The following STON1 variants were observed in gnomAD, a reference collection of about 807,000 sequenced individuals.
The protein encoded by STON1 is stonin 1.
STON1 carries 79 observed loss-of-function variants against 60.9 expected under a neutral mutation model. The observed-to-expected ratio is 1.30, with a 90% CI of 1.08 to 1.56. The LOEUF (loss-of-function observed/expected upper bound fraction) is 1.56. Among genes scored for constraint, STON1 ranks in the 40% most tolerant of loss-of-function variants. STON1 has a pLI of 0.00. For synonymous variants in STON1, 363 were observed against 306.9 expected, an observed-to-expected ratio of 1.18 and a Z score of -1.91; for missense variants, 1,166 against 858.9, an observed-to-expected ratio of 1.36 and a Z score of -4.47.
At chr2:48,535,423 T>C (rs1344195025) in intron 1 of STON1, among the ~76,000 whole-genome samples, 1 of 152,152 alleles carries the variant, frequency 6.6e-6, no homozygotes, top group East Asian at 1.9e-4. Context: ...TGTACTACCA[T>C]GTCCCCTCAC....
At position 48,531,430 on chromosome 2, in the gene STON1, G is replaced by A. The variant is rs941362295; in HGVS notation, c.-48+1214G>A. ...GGACTCCCCTGGACTCTGATTGGGTGGAAGAATTGTTTAGTTCATTTGTGT... is the reference window on the plus strand; with the variant it reads ...GGACTCCCCTGGACTCTGATTGGGTAGAAGAATTGTTTAGTTCATTTGTGT... On this transcript the variant is annotated intron_variant, in intron 1 of 3. Transcript: ENST00000404752. 2.0e-5 allele frequency: 3 copies of A among 152,190 alleles called. No homozygotes were observed. The South Asian group carries it at 6.2e-4, about 32-fold the overall frequency. 9.4% of individuals were successfully genotyped at this position (152,190 alleles called of 1,614,324 possible).
chr2:48,571,323 T>A (rs1488500150), intron 1 of STON1, among the ~76,000 whole-genome samples: 2 of 152,186 alleles, frequency 1.3e-5, no homozygotes, highest in African/African-American at 4.8e-5. Flanking sequence ...GGAAGGCAGC[T>A]GGGGACTTGG....
chr2:48,534,709 G>A (rs1671353914), intron 1 of STON1, among the ~76,000 whole-genome samples: 1 of 152,150 alleles, frequency 6.6e-6, no homozygotes, highest in Admixed American at 6.5e-5. Context: ...CCTGAGCCTA[G>A]GAGATGGAGG....
At chr2:48,580,303 A>T (rs1322411511) in intron 1 of STON1, among the ~76,000 whole-genome samples, 1 of 151,976 alleles carries the variant, frequency 6.6e-6, no homozygotes, top group African/African-American at 2.4e-5. Context: ...ATAGTTTTTG[A>T]CTTAAAGTTT....
intron 1 of STON1, among the ~76,000 whole-genome samples, chr2:48,545,727 C>T (rs1671838251): frequency 6.6e-6 from 1 of 152,212 alleles, no homozygotes; most frequent in Non-Finnish European, 1.5e-5. Flanking sequence ...TTGGACTTGA[C>T]TTCTCAGTCC....
chr2:48,564,492 C>CTTCT lies in STON1; in HGVS notation c.-47-16093_-47-16090dup, dbSNP rs1558604959. The stretch of plus-strand genomic sequence containing the variant: ...CTTCTTCTTCTTCTTTCTTCTTCTT[C>CTTCT]TTCTTCTTCTTCTTCTTCTTCTTCT... On this transcript the variant is annotated intron_variant, in intron 1 of 3. Coordinates refer to ENST00000404752, the MANE Select transcript of STON1 (RefSeq NM_006873.4). Among the ~76,000 whole-genome samples, 7 of 24,622 alleles carry CTTCT rather than the reference C, an allele frequency of 2.8e-4. 1 individual carries two copies. The highest frequency in any genetic ancestry group is 1.3e-3 in the African/African-American group (7 of 5,464). The allele number at this position is 24,622 out of a possible 152,430, so 16.2% of individuals were successfully genotyped here.
chr2:48,543,563 G>GCT (rs1671747022), intron 1 of STON1, among the ~76,000 whole-genome samples: 2 of 95,734 alleles, frequency 2.1e-5, no homozygotes, highest in Admixed American at 2.9e-4. Context: ...CTGGAGTCTT[G>GCT]CTCTATCACC....
chr2:48,585,868 G>C (rs1356326487), intron 2 of STON1, among the ~76,000 whole-genome samples: 1 of 152,208 alleles, frequency 6.6e-6, no homozygotes, highest in African/African-American at 2.4e-5. Flanking sequence ...AGATGGTCTC[G>C]AGGACTAGAA....
chr2:48,575,536 C>G (rs1673435062), intron 1 of STON1, among the ~76,000 whole-genome samples: 1 of 151,712 alleles, frequency 6.6e-6, no homozygotes, highest in African/African-American at 2.4e-5. Context: ...GCCTGTAATC[C>G]CAGCTACTCA....
At chr2:48,549,749 G>T (rs1399528209) in intron 1 of STON1, among the ~76,000 whole-genome samples, 2 of 147,922 alleles carry the variant, frequency 1.4e-5, no homozygotes, top group African/African-American at 2.5e-5. Flanking sequence ...GGGGACAGAG[G>T]TTGCAGCAAG....
chr2:48,580,815 C>T lies in STON1; in HGVS notation c.182C>T (p.Pro61Leu), dbSNP rs1308834233. Residue 61 changes from proline (P) to leucine (L), a missense_variant, in exon 2 of 4, where the codon CCT becomes CTT. By Grantham distance (98) the Pro-to-Leu change is moderately conservative. Transcript: ENST00000404752. ...GGATCTTCCTCCACCAGCAGCACTC[C>T]TCTCTCCTCCCCCATTGTAGATTTT... Reference protein sequence around the residue: ...PSGSSSTSSTPLSSPIVDFYF... With the variant: ...PSGSSSTSSTLLSSPIVDFYF... 3.2e-6 allele frequency: 5 copies of T among 1,549,608 alleles called. No homozygotes were observed. The highest frequency in any genetic ancestry group is 4.3e-6 in the Non-Finnish European group (5 of 1,150,532).
intron 1 of STON1, among the ~76,000 whole-genome samples, chr2:48,540,584 C>T (rs780646701): frequency 3.9e-5 from 6 of 152,196 alleles, no homozygotes; most frequent in African/African-American, 7.2e-5. Flanking sequence ...CCTACACATC[C>T]GCTTATCTGT....
In STON1 at chr2:48,582,014, C is replaced by T. The variant is rs750052271; in HGVS notation, c.1381C>T (p.Leu461Phe). Residue 461 changes from leucine to phenylalanine, a missense_variant, in exon 2 of 4, where the codon CTT (leucine) becomes TTT (phenylalanine). Transcript: ENST00000404752. ...NLECFLTLNDLELPKRDESYY... is the reference protein window; with the variant it reads ...NLECFLTLNDFELPKRDESYY... ...GGAATGCTTTTTAACCTTGAATGAC[C>T]TTGAGTTGCCGAAGCGAGATGAATC... 6.8e-6 allele frequency: 11 copies of T among 1,613,992 alleles called. No individual in the cohort carries two copies. The highest frequency in any genetic ancestry group is 1.1e-5 in the South Asian group (1 of 91,076).
In STON1 at chr2:48,581,045, A is replaced by G; in HGVS notation, c.412A>G (p.Ser138Gly). Residue 138 changes from serine (S) to glycine (G), a missense_variant, in exon 2 of 4, where the codon AGT becomes GGT. By Grantham distance (56) the Ser-to-Gly change is moderately conservative. Coordinates refer to ENST00000404752, the MANE Select transcript of STON1 (RefSeq NM_006873.4). ...ATGTTTATCCCATGCCTTGTTACCC[A>G]GTGACCACTCATGTACACATCCAAC... ...PTCLSHALLP[S>G]DHSCTHPTPK... 1 of 1,581,508 alleles carries G rather than the reference A, an allele frequency of 6.3e-7. No homozygotes were observed. Among genetic ancestry groups the G allele is most frequent in the Non-Finnish European group, 8.6e-7 (1 of 1,167,256 alleles).
At chr2:48,537,883 A>AT (rs1223622967) in intron 1 of STON1, among the ~76,000 whole-genome samples, 3 of 151,824 alleles carry the variant, frequency 2.0e-5, no homozygotes, top group East Asian at 1.9e-4. Flanking sequence ...GGAAAAAAAA[A>AT]GGAAATTGTT....
intron 1 of STON1, among the ~76,000 whole-genome samples, chr2:48,572,766 G>T (rs957110472): frequency 1.3e-5 from 2 of 152,278 alleles, no homozygotes; most frequent in East Asian, 3.9e-4. Flanking sequence ...CTATAGGAGG[G>T]TTATTTTGGC....
chr2:48,571,542 C>T (rs900971857), intron 1 of STON1, among the ~76,000 whole-genome samples: 11 of 152,116 alleles, frequency 7.2e-5, no homozygotes, highest in Admixed American at 6.6e-5. Flanking sequence ...TAGATGCTGC[C>T]CCTTGAATAC....
chr2:48,575,422 G>A (rs1272338768), intron 1 of STON1, among the ~76,000 whole-genome samples: 2 of 152,084 alleles, frequency 1.3e-5, no homozygotes, highest in Non-Finnish European at 2.9e-5. Flanking sequence ...GGGAGGCCGA[G>A]GAGGGTGGAT....
intron 3 of STON1, among the ~76,000 whole-genome samples, chr2:48,592,595 C>CTATTATTATTATTATTAT (rs3047606): frequency 5.1e-5 from 7 of 136,562 alleles, no homozygotes; most frequent in East Asian, 2.1e-4. Flanking sequence ...CCACACCCAG[C>CTATTATTATTATTATTAT]TATTATTATT....
Sources: gnomAD v4.1 joint callset for allele counts (sites outside exome capture counted in the v4.1 genomes callset) on GRCh38, gnomAD v4.1.1 for gene constraint, MANE v1.5 for transcripts, NCBI Gene and HGNC (gene_info 2026-07-23, HGNC 2026-07-21) for gene names.